COL5A2: variants seen among roughly 807,000 people sequenced by gnomAD.
COL5A2 encodes the protein collagen alpha-2(V) chain.
Under a neutral mutation model 208.2 loss-of-function variants are expected in COL5A2, and 23 were observed. The ratio of observed to expected loss-of-function variants is 0.11; its 90% CI spans 0.08 to 0.16. COL5A2 has a LOEUF of 0.16. Ranked by LOEUF, COL5A2 falls within the 10% of genes least tolerant of loss-of-function variation. The pLI is 1.00. For missense variants in COL5A2, 1,590 were observed against 1,956.4 expected, an observed-to-expected ratio of 0.81 and a Z score of 3.53; for synonymous variants, 625 against 628.5, an observed-to-expected ratio of 0.99 and a Z score of 0.08.
chr2:189,246,297 A>G, the COL5A2 span, among the ~76,000 whole-genome samples: 1 of 152,202 alleles, frequency 6.6e-6, no homozygotes, highest in East Asian at 1.9e-4. Context: ...AGGAAAAAAA[A>G]AAAGAATGTG....
the COL5A2 span, among the ~76,000 whole-genome samples, chr2:189,258,537 CT>C: frequency 1.3e-5 from 2 of 152,116 alleles, no homozygotes; most frequent in Non-Finnish European, 2.9e-5. Flanking sequence ...AAGTGTTCTA[CT>C]TTTGCTTAAC....
the COL5A2 span, among the ~76,000 whole-genome samples, chr2:189,359,902 T>C: frequency 6.6e-6 from 1 of 152,198 alleles, no homozygotes; most frequent in Non-Finnish European, 1.5e-5. Context: ...TTCTGTGTTA[T>C]CAGTTGTAAC....
At chr2:189,233,861 T>C in the COL5A2 span, among the ~76,000 whole-genome samples, 1 of 151,672 alleles carries the variant, frequency 6.6e-6, no homozygotes. Flanking sequence ...GGCTACAAAA[T>C]GTCAATTTTT....
intron 17 of COL5A2, among the ~76,000 whole-genome samples, chr2:189,072,723 G>GATCACGCC (rs1378670770): frequency 8.0e-6 from 1 of 125,210 alleles, no homozygotes; most frequent in Non-Finnish European, 1.6e-5. Context: ...AGTGAGCTGA[G>GATCACGCC]ATCACGCCAT....
chr2:189,316,107 T>G, the COL5A2 span, among the ~76,000 whole-genome samples: 1 of 152,152 alleles, frequency 6.6e-6, no homozygotes, highest in Non-Finnish European at 1.5e-5. Context: ...ATTCCATTAC[T>G]TGCTATATAC....
intron 50 of COL5A2, among the ~76,000 whole-genome samples, chr2:189,040,309 T>A (rs1685531975): frequency 6.7e-6 from 1 of 149,402 alleles, no homozygotes; most frequent in South Asian, 2.1e-4. Context: ...AGCCTTTGAA[T>A]TGACATAAAT....
the COL5A2 span, among the ~76,000 whole-genome samples, chr2:189,398,061 T>C: frequency 6.6e-6 from 1 of 152,170 alleles, no homozygotes; most frequent in Admixed American, 6.5e-5. Context: ...TTATTCATGA[T>C]AGAACTGCTC....
At chr2:189,439,204 G>A in the COL5A2 span, among the ~76,000 whole-genome samples, 1 of 152,136 alleles carries the variant, frequency 6.6e-6, no homozygotes, top group Non-Finnish European at 1.5e-5. Context: ...TACATCAAAA[G>A]TATAATAAGT....
At chr2:189,095,613 G>T (rs542190265) in intron 6 of COL5A2, among the ~76,000 whole-genome samples, 1 of 152,142 alleles carries the variant, frequency 6.6e-6, no homozygotes, top group East Asian at 1.9e-4. Flanking sequence ...AAGTCAAATA[G>T]GGAAAATAAG....
rs765019090 is a variant in COL5A2, at chr2:189,110,380, G to A, written c.167C>T (p.Pro56Leu). Reference protein sequence around the residue: ...QMYLNRDIWKPAPCQICVCDN... With the variant: ...QMYLNRDIWKLAPCQICVCDN... ...ACAGACACAGATCTGACAAGGGGCA[G>A]GTTTCCAAATGTCCCTGTTTAAGTA... Residue 56 changes from proline (P) to leucine (L), a missense_variant, in exon 2 of 54, where the codon CCT becomes CTT. By Grantham distance (98) the Pro-to-Leu change is moderately conservative. Transcript: ENST00000374866. 10 of 1,614,162 alleles carry A rather than the reference G, an allele frequency of 6.2e-6. No individual in the cohort carries two copies. In the South Asian group the frequency reaches 7.7e-5, roughly 12 times the overall value.
At chr2:189,302,141 T>C in the COL5A2 span, among the ~76,000 whole-genome samples, 58 of 152,146 alleles carry the variant, frequency 3.8e-4, no homozygotes, top group Non-Finnish European at 2.1e-4. Flanking sequence ...CTAGTTGCAA[T>C]TAACCAAATT....
At chr2:189,341,255 C>T in the COL5A2 span, among the ~76,000 whole-genome samples, 1 of 152,114 alleles carries the variant, frequency 6.6e-6, no homozygotes, top group Non-Finnish European at 1.5e-5. Context: ...ACTAACATGA[C>T]TCTAACATGT....
the COL5A2 span, among the ~76,000 whole-genome samples, chr2:189,274,718 A>T: frequency 1.3e-5 from 2 of 152,180 alleles, no homozygotes; most frequent in Non-Finnish European, 2.9e-5. Flanking sequence ...ATTGTATCAA[A>T]AAGAGAATTA....
chr2:189,145,659 G>A (rs1481872512), intron 1 of COL5A2, among the ~76,000 whole-genome samples: 1 of 151,948 alleles, frequency 6.6e-6, no homozygotes, highest in South Asian at 2.1e-4. Context: ...TATTCAGAAG[G>A]ATTTTTATTG....
the COL5A2 span, among the ~76,000 whole-genome samples, chr2:189,325,637 T>C: frequency 2.0e-5 from 3 of 152,158 alleles, no homozygotes; most frequent in African/African-American, 7.2e-5. Context: ...TGTTTGTATA[T>C]ATTTGAGAGT....
At chr2:189,241,799 T>C in the COL5A2 span, among the ~76,000 whole-genome samples, 25 of 152,202 alleles carry the variant, frequency 1.6e-4, no homozygotes, top group African/African-American at 6.0e-4. Context: ...CTGAGTGATA[T>C]TTTAAAGATT....
chr2:189,103,454 G>T (rs1489211010), intron 3 of COL5A2, among the ~76,000 whole-genome samples: 1 of 151,994 alleles, frequency 6.6e-6, no homozygotes, highest in African/African-American at 2.4e-5. Flanking sequence ...CAAAAGTAAA[G>T]AAAATTTATG....
the COL5A2 span, among the ~76,000 whole-genome samples, chr2:189,278,298 T>C: frequency 1.4e-3 from 207 of 152,272 alleles, no homozygotes; most frequent in African/African-American, 4.9e-3. Context: ...ATTAATTAAG[T>C]ATTTCTCAAT....
chr2:189,162,929 T>A (rs1162841737), intron 1 of COL5A2, among the ~76,000 whole-genome samples: 2 of 152,096 alleles, frequency 1.3e-5, no homozygotes, highest in Non-Finnish European at 2.9e-5. Context: ...TCCAAAAAAA[T>A]TCTGTGCTCA....
Sources: gnomAD v4.1 joint callset for allele counts (sites outside exome capture counted in the v4.1 genomes callset) on GRCh38, gnomAD v4.1.1 for gene constraint, MANE v1.5 for transcripts, NCBI Gene and HGNC (gene_info 2026-07-23, HGNC 2026-07-21) for gene names.